The following UNC5D variants were observed in gnomAD, a reference collection of about 807,000 sequenced individuals.
UNC5D encodes netrin receptor UNC5D.
UNC5D carries 39 observed loss-of-function variants against 105.4 expected under a neutral mutation model. The ratio of observed to expected loss-of-function variants is 0.37; its 90% CI spans 0.29 to 0.48. The LOEUF (loss-of-function observed/expected upper bound fraction) is 0.48. UNC5D is among the 20% of genes least tolerant of loss of function. The probability of loss-of-function intolerance (pLI) is 0.98; values close to 1 mark genes in which losing one functional copy is unlikely to be tolerated. For missense variants in UNC5D, 991 were observed against 1,202.4 expected (o/e 0.82, Z 2.60); for synonymous variants, 452 against 450.4 (o/e 1.00, Z -0.04).
Position 35,766,920 on chromosome 8 carries a change from G to A in UNC5D, c.2332G>A (p.Val778Met), listed in dbSNP as rs745896507. 5.6e-6 allele frequency: 9 copies of A among 1,613,296 alleles called. No homozygotes were observed. Among genetic ancestry groups the A allele is most frequent in the Admixed American group, 1.7e-5 (1 of 59,918 alleles). ...TACQEVPFSR[V>M]WCSNRQPLHC... ...CCTGCAGGAAGTCCCGTTCTCCCGC[G>A]TGTGGTGCAGTAACCGGCAGCCCCT... The change falls in exon 15 of 17, where the codon GTG becomes ATG. Residue 778 changes from valine to methionine, a missense_variant. Transcript: ENST00000404895.
chr8:35,581,661 G>A (rs6468321), intron 3 of UNC5D, among the ~76,000 whole-genome samples: 56,510 of 151,930 alleles, frequency 0.37, 13,517 homozygotes, highest in African/African-American at 0.68. Flanking sequence ...GGGTATCCCA[G>A]TAAGCTGATG....
chr8:35,440,401 G>A (rs186026526), intron 1 of UNC5D, among the ~76,000 whole-genome samples: 10 of 151,986 alleles, frequency 6.6e-5, no homozygotes, highest in Admixed American at 5.9e-4. Flanking sequence ...CATGAAGGCT[G>A]TTTTATGAGA....
At chr8:35,393,125 CTT>C (rs34886215) in intron 1 of UNC5D, among the ~76,000 whole-genome samples, 4 of 75,066 alleles carry the variant, frequency 5.3e-5, no homozygotes, top group Admixed American at 1.8e-4. Flanking sequence ...CCTATTCCTA[CTT>C]TTTTTTTTTT....
At chr8:35,547,591 G>A (rs572331644) in intron 1 of UNC5D, among the ~76,000 whole-genome samples, 15 of 152,226 alleles carry the variant, frequency 9.9e-5, no homozygotes, top group African/African-American at 3.1e-4. Context: ...AAGCCACCGC[G>A]GCCAGTCAGA....
At chr8:35,306,036 C>A (rs191819382) in intron 1 of UNC5D, among the ~76,000 whole-genome samples, 35 of 151,656 alleles carry the variant, frequency 2.3e-4, no homozygotes, top group Non-Finnish European at 2.4e-4. Context: ...ATAAATTAAT[C>A]CATTTGCTAA....
intron 1 of UNC5D, among the ~76,000 whole-genome samples, chr8:35,412,831 G>A (rs1034876230): frequency 2.0e-5 from 3 of 152,022 alleles, no homozygotes; most frequent in Admixed American, 6.6e-5. Flanking sequence ...TTAGATGTTC[G>A]TTCCAACTCC....
chr8:35,649,443 A>C (rs1049647782), intron 4 of UNC5D, among the ~76,000 whole-genome samples: 4 of 152,200 alleles, frequency 2.6e-5, no homozygotes, highest in Non-Finnish European at 5.9e-5. Flanking sequence ...GTTCATACTG[A>C]AGACCTTGAA....
Position 35,348,231 on chromosome 8 carries a change from A to C in UNC5D, c.103+112344A>C, listed in dbSNP as rs572712943. ...GTCATTAGTGGTGTTGTTTTACCAA[A>C]AAAAATTATATATATATTAGTCTGT... is the stretch of plus-strand genomic sequence containing the variant. On this transcript the variant is annotated intron_variant, in intron 1 of 16. Transcript: ENST00000404895. Among the ~76,000 whole-genome samples, 79 of 152,028 alleles carry C rather than the reference A, an allele frequency of 5.2e-4. 1 individual carries two copies. The highest frequency in any genetic ancestry group is 1.8e-3 in the African/African-American group (73 of 41,536).
At chr8:35,726,807 C>T (rs1828904759) in intron 10 of UNC5D, 1 of 444,432 alleles carries the variant, frequency 2.3e-6, no homozygotes, top group African/African-American at 2.0e-5. Context: ...AGTCCCCAGG[C>T]TTTAAGCCCC....
intron 1 of UNC5D, chr8:35,256,693 C>T (rs1804097681): frequency 6.6e-6 from 1 of 152,022 alleles, no homozygotes; most frequent in African/African-American, 2.4e-5. Context: ...GAACACAGGG[C>T]AGCCTAACTC....
Position 35,726,163 on chromosome 8 carries a change from C to T in UNC5D, c.1315C>T (p.Leu439Phe), listed in dbSNP as rs1314146218. The change falls in exon 10 of 17, where the codon CTC becomes TTC. Residue 439 changes from leucine to phenylalanine, a missense_variant. Coordinates refer to ENST00000404895, the MANE Select transcript of UNC5D (RefSeq NM_080872.4). ...TTTTCTTTTACCAGGTAACTCCCTG[C>T]TCCTGAATTCTGCCATGCAGCCAGA... ...FKTVRQGNSL[L>F]LNSAMQPDLT... 2 of 1,607,930 alleles carry T rather than the reference C, an allele frequency of 1.2e-6. No individual in the cohort carries two copies. Among genetic ancestry groups the T allele is most frequent in the Admixed American group, 1.7e-5 (1 of 59,784 alleles).
intron 7 of UNC5D, among the ~76,000 whole-genome samples, chr8:35,695,887 A>G (rs188187003): frequency 4.1e-3 from 621 of 152,112 alleles, no homozygotes; most frequent in African/African-American, 0.013. Context: ...GGTGTGTGCC[A>G]CCATGCCTGG....
chr8:35,728,095 A>AAAAAAAAAAAT (rs34672872), intron 10 of UNC5D, among the ~76,000 whole-genome samples: 1 of 110,366 alleles, frequency 9.1e-6, no homozygotes, highest in Admixed American at 1.0e-4. Flanking sequence ...AAAAAAAAAA[A>AAAAAAAAAAAT]ATATATATAT....
intron 4 of UNC5D, among the ~76,000 whole-genome samples, chr8:35,671,599 A>T (rs1217802949): frequency 6.6e-6 from 1 of 152,216 alleles, no homozygotes; most frequent in East Asian, 1.9e-4. Context: ...TAAAAGCACT[A>T]TCTGAACCAC....
chr8:35,658,688 G>C (rs555398718), intron 4 of UNC5D, among the ~76,000 whole-genome samples: 1 of 122,126 alleles, frequency 8.2e-6, no homozygotes, highest in South Asian at 2.8e-4. Context: ...GTCTCACTCT[G>C]TCGCCCAGGC....
At chr8:35,408,510 G>A (rs1488787666) in intron 1 of UNC5D, among the ~76,000 whole-genome samples, 1 of 150,616 alleles carries the variant, frequency 6.6e-6, no homozygotes, top group Non-Finnish European at 1.5e-5. Context: ...TACATGGTGA[G>A]CCATACTTGG....
chr8:35,612,628 G>A (rs556892523), intron 4 of UNC5D, among the ~76,000 whole-genome samples: 1 of 150,186 alleles, frequency 6.7e-6, no homozygotes, highest in South Asian at 2.1e-4. Flanking sequence ...AGAATCAAAG[G>A]TTCTTAAAGC....
intron 4 of UNC5D, among the ~76,000 whole-genome samples, chr8:35,659,818 T>C (rs1310023703): frequency 6.6e-6 from 1 of 152,156 alleles, no homozygotes; most frequent in Non-Finnish European, 1.5e-5. Context: ...GTAATCACAC[T>C]TTTGCAAAGT....
intron 1 of UNC5D, among the ~76,000 whole-genome samples, chr8:35,473,526 TTTA>T (rs1809883816): frequency 6.6e-6 from 1 of 152,168 alleles, no homozygotes; most frequent in Non-Finnish European, 1.5e-5. Context: ...TAATATATTT[TTTA>T]TGTTGAAAGA....
Sources: gnomAD v4.1 joint callset for allele counts (sites outside exome capture counted in the v4.1 genomes callset) on GRCh38, gnomAD v4.1.1 for gene constraint, MANE v1.5 for transcripts, NCBI Gene and HGNC (gene_info 2026-07-23, HGNC 2026-07-21) for gene names.